The following NUP93 variants were observed in gnomAD, a reference collection of about 807,000 sequenced individuals.
The protein encoded by NUP93 is nuclear pore complex protein Nup93.
A neutral mutation model predicts 107.8 loss-of-function variants in NUP93; 55 were observed. The ratio of observed to expected loss-of-function variants is 0.51; its 90% CI spans 0.41 to 0.64. The LOEUF is 0.64. Ranked by LOEUF, NUP93 falls within the 30% of genes least tolerant of loss-of-function variation. NUP93 has a pLI of 0.00. For synonymous variants in NUP93, 390 were observed against 397.5 expected, an observed-to-expected ratio of 0.98 and a Z score of 0.22; for missense variants, 937 against 1,044.7, an observed-to-expected ratio of 0.90 and a Z score of 1.42.
intron 21 of NUP93, among the ~76,000 whole-genome samples, chr16:56,843,075 C>T (rs954370589): frequency 1.5e-4 from 23 of 152,140 alleles, no homozygotes; most frequent in Non-Finnish European, 2.5e-4. Flanking sequence ...GAAATTTCCA[C>T]CTTTAGGAAT....
rs1161733805 is a variant in NUP93, at chr16:56,846,095, T to C, written c.*1486T>C. 1 of 152,194 alleles carries C rather than the reference T, an allele frequency of 6.6e-6. No homozygotes were observed. Among genetic ancestry groups the C allele is most frequent in the Non-Finnish European group, 1.5e-5 (1 of 68,048 alleles). 9.4% of individuals were successfully genotyped at this position (152,194 alleles called of 1,614,324 possible). ...TATGTGCTGATTTAAGCTAATCAAA[T>C]GATTTAATAGTGCTTTTTAAAAAAG... On this transcript the variant is annotated 3_prime_UTR_variant, in exon 22 of 22. Transcript: ENST00000308159.
At chr16:56,790,326 C>T (rs1308911872) in intron 3 of NUP93, among the ~76,000 whole-genome samples, 2 of 152,144 alleles carry the variant, frequency 1.3e-5, no homozygotes, top group Non-Finnish European at 2.9e-5. Flanking sequence ...TATGGAAGTT[C>T]ACCCAAATCT....
chr16:56,807,894 TGC>T (rs1963178420), intron 5 of NUP93, among the ~76,000 whole-genome samples: 1 of 151,264 alleles, frequency 6.6e-6, no homozygotes, highest in Non-Finnish European at 1.5e-5. Context: ...TGGTGGCGTG[TGC>T]CTGTAATCCC....
At chr16:56,793,586 A>G (rs186324327) in intron 3 of NUP93, among the ~76,000 whole-genome samples, 1 of 152,142 alleles carries the variant, frequency 6.6e-6, no homozygotes, top group Non-Finnish European at 1.5e-5. Context: ...ATCACAGGAG[A>G]AGGAGTTTGG....
chr16:56,825,971 C>G lies in NUP93; in HGVS notation c.794+2125C>G, dbSNP rs1174013711. 2.6e-5 allele frequency among the ~76,000 whole-genome samples: 4 copies of G among 152,146 alleles called. No individual in the cohort carries two copies. The East Asian group carries it at 7.7e-4, about 29-fold the overall frequency. ...ACCAGATGGCAAAGTAGACCAGGCC[C>G]AAATAATTTTTCAATTACAGGGCTG... On this transcript the variant is annotated intron_variant, in intron 8 of 21. Coordinates refer to ENST00000308159, the MANE Select transcript of NUP93 (RefSeq NM_014669.5).
chr16:56,768,850 G>C (rs997684057), intron 3 of NUP93, among the ~76,000 whole-genome samples: 3 of 136,702 alleles, frequency 2.2e-5, no homozygotes, highest in African/African-American at 5.7e-5. Flanking sequence ...CTGGGGGACA[G>C]AGCAAGACTC....
intron 3 of NUP93, among the ~76,000 whole-genome samples, chr16:56,780,764 CAGTAT>C (rs1338285063): frequency 6.6e-6 from 1 of 152,052 alleles, no homozygotes; most frequent in Non-Finnish European, 1.5e-5. Flanking sequence ...TCAGATTCTG[CAGTAT>C]AGATGTTGGT....
intron 2 of NUP93, among the ~76,000 whole-genome samples, chr16:56,753,938 G>A (rs1248112601): frequency 6.6e-6 from 1 of 152,060 alleles, no homozygotes. Context: ...AATTGTTGGG[G>A]CTGGGTGATG....
chr16:56,783,726 G>T, intron 3 of NUP93: 1 of 985,396 alleles, frequency 1.0e-6, no homozygotes, highest in African/African-American at 1.7e-5. Context: ...GAAGGCAGCT[G>T]CAAGGCCATT....
At chr16:56,834,527 A>G (rs1487753653) in intron 15 of NUP93, 85 bp downstream of exon 15, 259 of 1,435,156 alleles carry the variant, frequency 1.8e-4, no homozygotes, top group Non-Finnish European at 2.4e-4. Context: ...TTACTTCAAT[A>G]TGGTTGTGGT....
intron 13 of NUP93, 140 bp downstream of exon 13, chr16:56,833,546 T>G: frequency 1.6e-5 from 10 of 635,438 alleles, no homozygotes; most frequent in Non-Finnish European, 2.5e-5. Context: ...GTTGAGCTTT[T>G]TAGATGATTA....
Position 56,844,426 on chromosome 16 carries a change from A to G in NUP93, c.2350-73A>G, listed in dbSNP as rs1294943416. The G allele has an allele frequency of 1.4e-5, 12 of 845,068 alleles. No homozygotes were observed. The East Asian group carries it at 2.1e-4, about 15-fold the overall frequency. The allele number at this position is 845,068 out of a possible 1,614,324, so 52.3% of individuals were successfully genotyped here. ...AGGATGGAAGAACATGGAATAGAGG[A>G]TGGAAGAATATGGAATAGTGCCCTG... On this transcript the variant is annotated intron_variant, in intron 21 of 21. Transcript: ENST00000308159.
At chr16:56,753,463 A>G (rs1183823317) in intron 2 of NUP93, among the ~76,000 whole-genome samples, 6 of 152,204 alleles carry the variant, frequency 3.9e-5, no homozygotes, top group African/African-American at 1.4e-4. Context: ...GTGGGGAACT[A>G]TAGCCTTGCT....
At chr16:56,751,368 C>T (rs1051928692) in intron 2 of NUP93, among the ~76,000 whole-genome samples, 5 of 152,178 alleles carry the variant, frequency 3.3e-5, no homozygotes, top group Admixed American at 2.0e-4. Context: ...GTTGTTTAAG[C>T]TCTTACTGTT....
chr16:56,763,007 A>G (rs1221511644), intron 3 of NUP93, among the ~76,000 whole-genome samples: 1 of 152,158 alleles, frequency 6.6e-6, no homozygotes, highest in Non-Finnish European at 1.5e-5. Context: ...CAAAGGCCCT[A>G]TTTCCAAGTA....
chr16:56,741,768 T>C (rs544539104), intron 1 of NUP93: 9 of 152,342 alleles, frequency 5.9e-5, no homozygotes, highest in African/African-American at 1.7e-4. Context: ...TGCTAACAAC[T>C]GTCTTTTTTA....
At chr16:56,799,356 A>G (rs1279939611) in intron 4 of NUP93, among the ~76,000 whole-genome samples, 2 of 152,246 alleles carry the variant, frequency 1.3e-5, no homozygotes, top group African/African-American at 4.8e-5. Flanking sequence ...ATGTGCAACA[A>G]TATTCTGCAA....
chr16:56,821,434 C>G, intron 6 of NUP93, 70 bp from the exon 7 acceptor site: 1 of 1,102,536 alleles, frequency 9.1e-7, no homozygotes, highest in Non-Finnish European at 1.4e-6. Context: ...CGGCCATTGC[C>G]TGCTTCAGGA....
In NUP93 at chr16:56,849,352, G is replaced by C. The variant is rs1331610934; in HGVS notation, c.*4743G>C. The C allele has an allele frequency of 6.6e-6, 1 of 152,258 alleles. No homozygotes were observed. Among genetic ancestry groups the C allele is most frequent in the Non-Finnish European group, 1.5e-5 (1 of 68,048 alleles). The allele number at this position is 152,258 out of a possible 1,614,324, so 9.4% of individuals were successfully genotyped here. ...GGATCTTTAAAAAGAAAAAGGGACGGGGTGCTGGCAGAAACCCAGCTCTGC... is the reference window on the plus strand; with the variant it reads ...GGATCTTTAAAAAGAAAAAGGGACGCGGTGCTGGCAGAAACCCAGCTCTGC... On this transcript the variant is annotated 3_prime_UTR_variant, in exon 22 of 22. Transcript: ENST00000308159.
Sources: gnomAD v4.1 joint callset for allele counts (sites outside exome capture counted in the v4.1 genomes callset) on GRCh38, gnomAD v4.1.1 for gene constraint, MANE v1.5 for transcripts, NCBI Gene and HGNC (gene_info 2026-07-23, HGNC 2026-07-21) for gene names.